The following NTN1 variants were observed in gnomAD, a reference collection of about 807,000 sequenced individuals.
NTN1 encodes the protein netrin 1.
A neutral mutation model predicts 54.2 loss-of-function variants in NTN1; 11 were observed. The observed-to-expected ratio is 0.20, with a 90% CI of 0.13 to 0.34. The LOEUF is 0.34. NTN1 is among the 10% of genes least tolerant of loss of function. NTN1 has a pLI of 1.00. For synonymous variants in NTN1, 371 were observed against 382.0 expected, an observed-to-expected ratio of 0.97 and a Z score of 0.33; for missense variants, 740 against 893.1, an observed-to-expected ratio of 0.83 and a Z score of 2.18.
In NTN1 at chr17:9,211,909, A is replaced by G. The variant is rs188458400; in HGVS notation, c.1412-9259A>G. Among the ~76,000 whole-genome samples the G allele has an allele frequency of 2.2e-3, 332 of 152,268 alleles. 2 individuals are homozygous for G. Among genetic ancestry groups the G allele is most frequent in the African/African-American group, 7.2e-3 (301 of 41,530 alleles). ...ATTCAGAAGAGTTCTTTATATGTGA[A>G]AGACACCAGTCCTTGGCTTCCTGTG... is the stretch of plus-strand genomic sequence containing the variant. On this transcript the variant is annotated intron_variant, in intron 5 of 6. Coordinates refer to ENST00000173229, the MANE Select transcript of NTN1 (RefSeq NM_004822.3). The surrounding 1 kb of genome is among the most constrained non-coding windows in gnomAD (Gnocchi z 4.4).
chr17:9,035,690 A>G (rs1197944933), intron 2 of NTN1, among the ~76,000 whole-genome samples: 3 of 152,208 alleles, frequency 2.0e-5, no homozygotes, highest in Non-Finnish European at 4.4e-5. Context: ...AGCTGGGATC[A>G]CAGGTGCACA....
At chr17:9,106,459 T>TCCTC (rs2092166478) in intron 2 of NTN1, among the ~76,000 whole-genome samples, 2 of 116,430 alleles carry the variant, frequency 1.7e-5, no homozygotes, top group African/African-American at 2.9e-5. Context: ...TTTCCTTCCT[T>TCCTC]CCTTCCTCCC....
intron 2 of NTN1, among the ~76,000 whole-genome samples, chr17:9,137,544 G>A (rs1371561752): frequency 6.6e-6 from 1 of 152,224 alleles, no homozygotes; most frequent in African/African-American, 2.4e-5. Flanking sequence ...TGTAATCCCA[G>A]CACTTTGGGA....
At chr17:9,101,422 A>G (rs2092149919) in intron 2 of NTN1, among the ~76,000 whole-genome samples, 1 of 152,186 alleles carries the variant, frequency 6.6e-6, no homozygotes, top group Non-Finnish European at 1.5e-5. Flanking sequence ...GTTCTGAAGA[A>G]TTGCACACTT....
At position 9,214,936 on chromosome 17, in the gene NTN1, T is replaced by C. The variant is rs151101598; in HGVS notation, c.1412-6232T>C. Among the ~76,000 whole-genome samples the C allele has an allele frequency of 5.8e-3, 877 of 152,358 alleles. 8 individuals are homozygous for C. Among genetic ancestry groups the C allele is most frequent in the African/African-American group, 0.02 (841 of 41,574 alleles). On this transcript the variant is annotated intron_variant, in intron 5 of 6. Transcript: ENST00000173229. ...ACCTTCATTGTTTTGTCTTTAGTGG[T>C]TGCTCTTCTGTGATCTTAATTTATC...
chr17:9,184,547 G>A (rs886157064), intron 5 of NTN1, among the ~76,000 whole-genome samples: 1 of 152,198 alleles, frequency 6.6e-6, no homozygotes, highest in Non-Finnish European at 1.5e-5. Context: ...GACTCACCTG[G>A]ACAAGATTTT....
chr17:9,239,459 C>T lies in NTN1; in HGVS notation c.1487-181C>T, dbSNP rs566788673. ...CAGCGTGGGAGGCAAGGCTTCTTGG[C>T]CCTGTTGTTAGCAGGTGGGGGTCTA... On this transcript the variant is annotated intron_variant, in intron 6 of 6. Coordinates refer to ENST00000173229, the MANE Select transcript of NTN1 (RefSeq NM_004822.3). The surrounding 1 kb of genome is among the most constrained non-coding windows in gnomAD (Gnocchi z 5.2). Among the ~76,000 whole-genome samples the T allele has an allele frequency of 1.3e-5, 2 of 152,166 alleles. No individual in the cohort carries two copies. Among genetic ancestry groups the T allele is most frequent in the Non-Finnish European group, 2.9e-5 (2 of 68,032 alleles).
At chr17:9,192,271 C>T (rs1182636832) in intron 5 of NTN1, among the ~76,000 whole-genome samples, 2 of 152,150 alleles carry the variant, frequency 1.3e-5, no homozygotes, top group East Asian at 1.9e-4. Flanking sequence ...ACACAACCTA[C>T]GTGTCTTTGA....
At chr17:9,207,030 G>A (rs372224248) in intron 5 of NTN1, among the ~76,000 whole-genome samples, 36 of 152,158 alleles carry the variant, frequency 2.4e-4, no homozygotes, top group Non-Finnish European at 4.1e-4. Flanking sequence ...GGAATTGCTC[G>A]GCTGAGGGTC....
chr17:9,054,636 G>A (rs998260474), intron 2 of NTN1, among the ~76,000 whole-genome samples: 2 of 152,208 alleles, frequency 1.3e-5, no homozygotes, highest in African/African-American at 4.8e-5. Context: ...GTGGGAGAAT[G>A]AGAAGACATG....
At chr17:9,172,482 A>G (rs1230074118) in intron 3 of NTN1, among the ~76,000 whole-genome samples, 1 of 151,932 alleles carries the variant, frequency 6.6e-6, no homozygotes. Context: ...CCGTCTCAAA[A>G]AAAGAGAAGC....
At chr17:9,223,368 A>G (rs1290525816) in intron 6 of NTN1, among the ~76,000 whole-genome samples, 1 of 152,166 alleles carries the variant, frequency 6.6e-6, no homozygotes, top group Admixed American at 6.5e-5. Context: ...CCTGGCCAAC[A>G]TGATGAAACC....
At chr17:9,197,012 T>C (rs1356337038) in intron 5 of NTN1, among the ~76,000 whole-genome samples, 2 of 151,490 alleles carry the variant, frequency 1.3e-5, no homozygotes, top group Non-Finnish European at 2.9e-5. Context: ...ACTTCGGAAG[T>C]TGACAAATGG....
intron 3 of NTN1, among the ~76,000 whole-genome samples, chr17:9,167,173 A>G (rs893757058): frequency 1.3e-5 from 2 of 152,160 alleles, no homozygotes; most frequent in African/African-American, 2.4e-5. Flanking sequence ...CTGTTGTCCT[A>G]TACAAAGGCA....
rs2092193346 is a variant in NTN1 at position 9,112,087 on chromosome 17, C to T, written c.1019-50726C>T. Among the ~76,000 whole-genome samples the T allele has an allele frequency of 3.3e-5, 5 of 152,168 alleles. No homozygotes were observed. In the South Asian group the frequency reaches 1.0e-3, roughly 31 times the overall value. On this transcript the variant is annotated intron_variant, in intron 2 of 6. Transcript: ENST00000173229. Reference sequence around the variant, plus strand: ...TCAAGGAAGATGCCTCTTGGGTGAACAGGTACAAGCCAGGCGAAACCTAGC... The same window carrying T: ...TCAAGGAAGATGCCTCTTGGGTGAATAGGTACAAGCCAGGCGAAACCTAGC...
intron 2 of NTN1, among the ~76,000 whole-genome samples, chr17:9,141,295 G>T (rs80154000): frequency 1.9e-4 from 29 of 151,548 alleles, no homozygotes; most frequent in African/African-American, 6.5e-4. Context: ...GCTTTAATGA[G>T]GGGGGGGAGA....
intron 2 of NTN1, among the ~76,000 whole-genome samples, chr17:9,125,549 C>A (rs1470381304): frequency 6.6e-6 from 1 of 151,680 alleles, no homozygotes; most frequent in African/African-American, 2.4e-5. Flanking sequence ...TTTTAAAAAT[C>A]TTTTTGTAGA....
At chr17:9,124,785 C>G (rs1052949838) in intron 2 of NTN1, among the ~76,000 whole-genome samples, 1 of 152,290 alleles carries the variant, frequency 6.6e-6, no homozygotes, top group South Asian at 2.1e-4. Context: ...GCTCCCAAAA[C>G]CCTGGGACAT....
At chr17:9,096,562 G>C (rs530770104) in intron 2 of NTN1, among the ~76,000 whole-genome samples, 1 of 151,912 alleles carries the variant, frequency 6.6e-6, no homozygotes, top group Non-Finnish European at 1.5e-5. Flanking sequence ...TAGTAGAGAC[G>C]GGGTTTCACC....
Sources: gnomAD v4.1 joint callset for allele counts (sites outside exome capture counted in the v4.1 genomes callset) on GRCh38, gnomAD v4.1.1 for gene constraint, Gnocchi (gnomAD v3.1) non-coding constraint, MANE v1.5 for transcripts, NCBI Gene and HGNC (gene_info 2026-07-23, HGNC 2026-07-21) for gene names.